ABCD3: variants seen among roughly 807,000 people sequenced by gnomAD.
The protein encoded by ABCD3 is ATP-binding cassette sub-family D member 3.
ABCD3 carries 41 observed loss-of-function variants against 105.5 expected under a neutral mutation model. The ratio of observed to expected loss-of-function variants is 0.39; its 90% CI spans 0.30 to 0.50. The LOEUF is 0.50. ABCD3 is among the 20% of genes least tolerant of loss of function. ABCD3 has a pLI of 0.84. For missense variants in ABCD3, 622 were observed against 806.3 expected (o/e 0.77, Z 2.77); for synonymous variants, 258 against 269.0 (o/e 0.96, Z 0.40).
At chr1:94,411,909 T>C in the ABCD3 span, among the ~76,000 whole-genome samples, 1 of 152,190 alleles carries the variant, frequency 6.6e-6, no homozygotes, top group African/African-American at 2.4e-5. Flanking sequence ...GGGCACATAT[T>C]GTATGATTCT....
At chr1:94,453,430 T>C (rs901082088) in intron 1 of ABCD3, among the ~76,000 whole-genome samples, 2 of 151,720 alleles carry the variant, frequency 1.3e-5, no homozygotes, top group African/African-American at 2.4e-5. Context: ...GCCATTCTCC[T>C]GCCTCAGCCT....
Position 94,471,186 on chromosome 1 carries a change from T to C in ABCD3, c.336-2580T>C, listed in dbSNP as rs576168974. ...TTATGAAATTTTAAAAAATTGTTTTTCATTTTTTGTATGAGTTTCTGAACC... is the reference window on the plus strand; with the variant it reads ...TTATGAAATTTTAAAAAATTGTTTTCCATTTTTTGTATGAGTTTCTGAACC... On this transcript the variant is annotated intron_variant, in intron 4 of 22. Transcript: ENST00000370214. Among the ~76,000 whole-genome samples the C allele has an allele frequency of 1.6e-4, 25 of 152,348 alleles. No individual in the cohort carries two copies. The South Asian group carries it at 4.3e-3, about 26-fold the overall frequency.
chr1:94,421,365 AT>A (rs1393351979), intron 1 of ABCD3, among the ~76,000 whole-genome samples: 1 of 152,172 alleles, frequency 6.6e-6, no homozygotes, highest in East Asian at 1.9e-4. Context: ...GTTCCTTTGT[AT>A]TCATTCCTGA....
intron 17 of ABCD3, 33 bp downstream of exon 17, chr1:94,498,712 C>T (rs759509149): frequency 6.2e-7 from 1 of 1,612,620 alleles, no homozygotes; most frequent in Non-Finnish European, 8.5e-7. Flanking sequence ...ATTTTGCAGT[C>T]TTATTTTGCC....
intron 21 of ABCD3, among the ~76,000 whole-genome samples, chr1:94,509,150 G>A (rs1185833095): frequency 1.3e-5 from 2 of 152,162 alleles, no homozygotes; most frequent in African/African-American, 4.8e-5. Flanking sequence ...ATTATTTTGA[G>A]ATAGGTCCCA....
chr1:94,467,589 A>G (rs1260956631), intron 3 of ABCD3, among the ~76,000 whole-genome samples: 1 of 152,210 alleles, frequency 6.6e-6, no homozygotes, highest in African/African-American at 2.4e-5. Flanking sequence ...AAAATCAACA[A>G]TACACTATGA....
intron 2 of ABCD3, among the ~76,000 whole-genome samples, chr1:94,461,954 A>G (rs1048927942): frequency 6.6e-6 from 1 of 152,168 alleles, no homozygotes; most frequent in Non-Finnish European, 1.5e-5. Flanking sequence ...CTCTGTCAGC[A>G]CTACATGGCC....
At chr1:94,500,722 GTTTT>G (rs1366932316) in intron 20 of ABCD3, among the ~76,000 whole-genome samples, 1 of 151,900 alleles carries the variant, frequency 6.6e-6, no homozygotes, top group African/African-American at 2.4e-5. Context: ...TTTGCAAGTT[GTTTT>G]TCCCAAAATC....
At chr1:94,390,748 AG>A in the ABCD3 span, among the ~76,000 whole-genome samples, 2 of 152,202 alleles carry the variant, frequency 1.3e-5, no homozygotes, top group Non-Finnish European at 2.9e-5. Flanking sequence ...TGTAGGCTGG[AG>A]AAAAATATGA....
upstream of ABCD3, among the ~76,000 whole-genome samples, chr1:94,416,376 A>G (rs1201552085): frequency 2.0e-5 from 3 of 152,194 alleles, no homozygotes; most frequent in Admixed American, 6.6e-5. Context: ...CACCTTGTTC[A>G]TATCTCTAAT....
chr1:94,458,720 G>T, intron 2 of ABCD3, 77 bp downstream of exon 2: 1 of 1,440,074 alleles, frequency 6.9e-7, no homozygotes, highest in Non-Finnish European at 9.7e-7. Context: ...TCTGATTTAG[G>T]ATTAAATTTT....
At chr1:94,395,567 G>C in the ABCD3 span, among the ~76,000 whole-genome samples, 1 of 152,130 alleles carries the variant, frequency 6.6e-6, no homozygotes, top group African/African-American at 2.4e-5. Context: ...CAATTTTCCA[G>C]TCTCTTACCA....
In ABCD3 at chr1:94,418,500, T is replaced by G; in HGVS notation, c.22T>G (p.Leu8Val). The G allele has an allele frequency of 1.2e-6, 2 of 1,604,780 alleles. No homozygotes were observed. The highest frequency in any genetic ancestry group is 1.7e-6 in the Non-Finnish European group (2 of 1,178,958). The change falls in exon 1 of 23, where the codon TTG (leucine) becomes GTG (valine). Residue 8 changes from leucine to valine, a missense_variant. Physicochemically the swap from Leu to Val is conservative, Grantham distance 32 (BLOSUM62 1). Coordinates refer to ENST00000370214, the MANE Select transcript of ABCD3 (RefSeq NM_002858.4). ...TGCCATGGCGGCCTTCAGCAAGTAC[T>G]TGACGGCGCGAAACTCCTCGCTGGC... MAAFSKY[L>V]TARNSSLAGA...
the ABCD3 span, among the ~76,000 whole-genome samples, chr1:94,395,199 T>C: frequency 6.6e-6 from 1 of 152,226 alleles, no homozygotes; most frequent in East Asian, 1.9e-4. Context: ...CCATATGTTC[T>C]GTTTCCTAGA....
intron 1 of ABCD3, among the ~76,000 whole-genome samples, chr1:94,456,525 G>A (rs556936834): frequency 1.3e-3 from 203 of 150,868 alleles, no homozygotes; most frequent in Non-Finnish European, 1.8e-3. Flanking sequence ...CAGTCCTCCC[G>A]CCTCGGGCTT....
At chr1:94,508,263 G>T (rs1160934597) in intron 21 of ABCD3, among the ~76,000 whole-genome samples, 1 of 152,174 alleles carries the variant, frequency 6.6e-6, no homozygotes, top group African/African-American at 2.4e-5. Flanking sequence ...TTTCCCCATT[G>T]CTTGTTTTTC....
At chr1:94,416,303 G>A (rs4148059), upstream of ABCD3, among the ~76,000 whole-genome samples, 2 of 152,146 alleles carry the variant, frequency 1.3e-5, no homozygotes, top group East Asian at 3.8e-4. Flanking sequence ...CCTTTGTCAA[G>A]CCTTAAGCCT....
intron 5 of ABCD3, among the ~76,000 whole-genome samples, chr1:94,474,602 C>G (rs1164400373): frequency 6.6e-6 from 1 of 151,886 alleles, no homozygotes; most frequent in East Asian, 1.9e-4. Context: ...ACATAGATAT[C>G]AAAGATTAAG....
rs749235810 is a variant in ABCD3 at position 94,499,034 on chromosome 1, A to G, written c.1620A>G (p.Leu540=). The G allele has an allele frequency of 1.9e-6, 3 of 1,609,794 alleles. No homozygotes were observed. The highest frequency in any genetic ancestry group is 2.2e-5 in the East Asian group (1 of 44,802). ...AGAAAAGGAAGGGAATTTCTGACCTAGTAAGGGAATGTTTATATCCTAGAT... is the reference window on the plus strand; with the variant it reads ...AGAAAAGGAAGGGAATTTCTGACCTGGTAAGGGAATGTTTATATCCTAGAT... ...EDQKRKGISD[L]VLKEYLDNVQ... The change falls in exon 19 of 23, where the codon CTA becomes CTG. Residue 540 remains leucine, a splice_region_variant and synonymous_variant. Transcript: ENST00000370214.
Sources: gnomAD v4.1 joint callset for allele counts (sites outside exome capture counted in the v4.1 genomes callset) on GRCh38, gnomAD v4.1.1 for gene constraint, MANE v1.5 for transcripts, NCBI Gene and HGNC (gene_info 2026-07-23, HGNC 2026-07-21) for gene names.